The following ESRRG variants were observed in gnomAD, a reference collection of about 807,000 sequenced individuals.
The protein encoded by ESRRG is estrogen-related receptor gamma.
ESRRG carries 13 observed loss-of-function variants against 44.0 expected under a neutral mutation model. That is an observed-to-expected ratio of 0.30 (90% CI 0.19 to 0.47). The LOEUF (loss-of-function observed/expected upper bound fraction) is 0.47. Ranked by LOEUF, ESRRG falls within the 20% of genes least tolerant of loss-of-function variation. The pLI is 1.00. For missense variants in ESRRG, 395 were observed against 580.6 expected (o/e 0.68, Z 3.29); for synonymous variants, 215 against 214.6 (o/e 1.00, Z -0.02).
Position 216,850,620 on chromosome 1 carries a change from G to A in ESRRG, c.-14+88962C>T, listed in dbSNP as rs562718457. Among the ~76,000 whole-genome samples, 3 of 152,072 alleles carry A rather than the reference G, an allele frequency of 2.0e-5. No individual in the cohort carries two copies. In the South Asian group the frequency reaches 6.2e-4, roughly 32 times the overall value. ...TATCTCCTTTGTTCCAATAATCAAAGGTGCAATTCTTGATGACATTTAAAT... is the reference window on the plus strand; with the variant it reads ...TATCTCCTTTGTTCCAATAATCAAAAGTGCAATTCTTGATGACATTTAAAT... On this transcript the variant is annotated intron_variant, in intron 2 of 7. Coordinates refer to the ESRRG transcript ENST00000359162.
At chr1:216,809,325 T>TAAAAA (rs201618241) in intron 2 of ESRRG, among the ~76,000 whole-genome samples, 1 of 119,136 alleles carries the variant, frequency 8.4e-6, no homozygotes, top group African/African-American at 3.2e-5. Flanking sequence ...TTTTTTACAG[T>TAAAAA]AAAAAAAAAA....
chr1:217,043,503 G>C lies in ESRRG; in HGVS notation c.-106+46004C>G, dbSNP rs116342170. Among the ~76,000 whole-genome samples, 861 of 152,108 alleles carry C rather than the reference G, an allele frequency of 5.7e-3. 6 individuals are homozygous for C. Among genetic ancestry groups the C allele is most frequent in the African/African-American group, 0.019 (806 of 41,494 alleles). On this transcript the variant is annotated intron_variant, in intron 1 of 7. Transcript: ENST00000359162. ...TCCTAAAATGAAACACGTCATTGTT[G>C]GCCCTTTTTGGTCTTACAATACCAT... is the stretch of plus-strand genomic sequence containing the variant.
intron 3 of ESRRG, among the ~76,000 whole-genome samples, chr1:216,640,301 A>C (rs1331973729): frequency 3.3e-5 from 5 of 152,160 alleles, no homozygotes; most frequent in Non-Finnish European, 7.4e-5. Context: ...CGGGCACCTC[A>C]GACTTCTGCC....
chr1:216,764,577 G>GA (rs2092978138), intron 2 of ESRRG, among the ~76,000 whole-genome samples: 1 of 151,878 alleles, frequency 6.6e-6, no homozygotes, highest in Non-Finnish European at 1.5e-5. Context: ...CCCAGGGGGG[G>GA]ACTCTTAACT....
chr1:217,023,045 T>A (rs1453057763), intron 1 of ESRRG, among the ~76,000 whole-genome samples: 1 of 152,166 alleles, frequency 6.6e-6, no homozygotes, highest in Non-Finnish European at 1.5e-5. Flanking sequence ...AAATCAGTTA[T>A]CTTTTATCAA....
chr1:216,761,693 G>A lies in ESRRG; in HGVS notation c.-13-84202C>T, dbSNP rs1035242767. On this transcript the variant is annotated intron_variant, in intron 2 of 7. Coordinates refer to the ESRRG transcript ENST00000359162. ...TTACCTGTATTACCAAGCATTAAAA[G>A]GCTGTGCTTTCTGTATTAGGCTTAA... 2.0e-5 allele frequency among the ~76,000 whole-genome samples: 3 copies of A among 152,268 alleles called. 1 individual carries two copies. The highest frequency in any genetic ancestry group is 3.4e-3 in the Middle Eastern group (1 of 294).
chr1:216,759,868 T>C (rs966294232), intron 2 of ESRRG, among the ~76,000 whole-genome samples: 1 of 152,284 alleles, frequency 6.6e-6, no homozygotes, highest in East Asian at 1.9e-4. Context: ...ACAAGCACTT[T>C]TGCCTCCAAG....
intron 6 of ESRRG, among the ~76,000 whole-genome samples, chr1:216,511,307 C>A (rs2042645880): frequency 6.6e-6 from 1 of 152,028 alleles, no homozygotes; most frequent in South Asian, 2.1e-4. Flanking sequence ...TATATGCCAC[C>A]TAACAGAGTG....
In ESRRG at chr1:216,625,875, C is replaced by T. The variant is rs563645008; in HGVS notation, c.589+25098G>A. On this transcript the variant is annotated intron_variant, in intron 3 of 6. Coordinates refer to ENST00000408911, the MANE Select transcript of ESRRG (RefSeq NM_001438.4). Reference sequence around the variant, plus strand: ...CACTATCCACTGTTTCTTTCTGTGTCTTTCTGTGTTCCTATATCTCTCCCT... The same window carrying T: ...CACTATCCACTGTTTCTTTCTGTGTTTTTCTGTGTTCCTATATCTCTCCCT... Among the ~76,000 whole-genome samples, 8 of 152,258 alleles carry T rather than the reference C, an allele frequency of 5.3e-5. No individual in the cohort carries two copies. The South Asian group carries it at 1.7e-3, about 32-fold the overall frequency.
In ESRRG at chr1:217,046,069, G is replaced by A. The variant is rs200838694; in HGVS notation, c.-106+43438C>T. On this transcript the variant is annotated intron_variant, in intron 1 of 7. Coordinates refer to the ESRRG transcript ENST00000359162. Reference sequence around the variant, plus strand: ...TCCAGTGCTAAAAAACATAATGTCCGTGCAGCTCACTGTGACCCAAAAGAG... The same window carrying A: ...TCCAGTGCTAAAAAACATAATGTCCATGCAGCTCACTGTGACCCAAAAGAG... Among the ~76,000 whole-genome samples the A allele has an allele frequency of 1.5e-4, 22 of 151,632 alleles. No homozygotes were observed. In the East Asian group the frequency reaches 2.3e-3, roughly 16 times the overall value.
intron 1 of ESRRG, among the ~76,000 whole-genome samples, chr1:217,133,075 G>T (rs1393085791): frequency 6.6e-6 from 1 of 152,200 alleles, no homozygotes; most frequent in East Asian, 1.9e-4. Context: ...GGCTCTAGAG[G>T]TCAGGCCACA....
At chr1:216,661,306 C>T (rs565796146) in intron 2 of ESRRG, among the ~76,000 whole-genome samples, 1 of 152,284 alleles carries the variant, frequency 6.6e-6, no homozygotes, top group Admixed American at 6.5e-5. Context: ...TCTGAGCTGA[C>T]TATAACCTCC....
At chr1:216,959,268 C>T (rs1312456833) in intron 1 of ESRRG, among the ~76,000 whole-genome samples, 1 of 152,046 alleles carries the variant, frequency 6.6e-6, no homozygotes, top group Non-Finnish European at 1.5e-5. Context: ...TATATTTGAA[C>T]TCTTTACCAA....
chr1:216,598,702 T>C (rs2058774188), intron 3 of ESRRG, among the ~76,000 whole-genome samples: 1 of 151,998 alleles, frequency 6.6e-6, no homozygotes, highest in Non-Finnish European at 1.5e-5. Flanking sequence ...TCTTCTTTAA[T>C]GGCTAAAACT....
intron 3 of ESRRG, among the ~76,000 whole-genome samples, chr1:216,596,526 G>C (rs576163867): frequency 2.0e-5 from 3 of 152,286 alleles, no homozygotes; most frequent in African/African-American, 7.2e-5. Context: ...GAAGGCTTGG[G>C]AGTGCAGGGA....
chr1:216,623,193 C>T (rs931052197), intron 3 of ESRRG, among the ~76,000 whole-genome samples: 4 of 149,984 alleles, frequency 2.7e-5, no homozygotes, highest in Non-Finnish European at 3.0e-5. Context: ...CGCCATTCTC[C>T]TGCCTCAGCC....
At chr1:216,635,661 C>T (rs1392609167) in intron 3 of ESRRG, among the ~76,000 whole-genome samples, 1 of 152,108 alleles carries the variant, frequency 6.6e-6, no homozygotes, top group African/African-American at 2.4e-5. Context: ...ACTGAGGGGT[C>T]TCTGTAATTC....
chr1:216,980,128 G>A (rs1269571647), intron 1 of ESRRG, among the ~76,000 whole-genome samples: 2 of 151,938 alleles, frequency 1.3e-5, no homozygotes, highest in Non-Finnish European at 2.9e-5. Context: ...CCCCTCTATG[G>A]TTACTAAATC....
chr1:217,104,798 GA>G (rs1033657617), intron 1 of ESRRG, among the ~76,000 whole-genome samples: 4 of 152,148 alleles, frequency 2.6e-5, no homozygotes, highest in African/African-American at 4.8e-5. Flanking sequence ...ATTCATAATA[GA>G]TTTTGTATCC....
Sources: gnomAD v4.1 joint callset for allele counts (sites outside exome capture counted in the v4.1 genomes callset) on GRCh38, gnomAD v4.1.1 for gene constraint, MANE v1.5 for transcripts, NCBI Gene and HGNC (gene_info 2026-07-23, HGNC 2026-07-21) for gene names.